RELN: variants seen among roughly 807,000 people sequenced by gnomAD.
RELN encodes reelin.
In RELN, 108 loss-of-function variants were observed where a neutral mutation model predicts 427.6. The observed-to-expected ratio is 0.25, with a 90% CI of 0.22 to 0.30. The LOEUF is 0.30. RELN is among the 10% of genes least tolerant of loss of function. The pLI is 1.00. For missense variants in RELN, 3,715 were observed against 4,302.8 expected (o/e 0.86, Z 3.82); for synonymous variants, 1,524 against 1,513.4 (o/e 1.01, Z -0.16).
rs1832283780 is a variant in RELN at position 103,624,417 on chromosome 7, CCT to C, written c.2702+5521_2702+5522del. On this transcript the variant is annotated intron_variant, in intron 20 of 64. Coordinates refer to ENST00000428762, the MANE Select transcript of RELN (RefSeq NM_005045.4). Reference sequence around the variant, plus strand: ...ATACCACTCAATGTTACCCTTTTTTCCTCATGTCCCACTCTACTTTTTTTTTA... The same window carrying C: ...ATACCACTCAATGTTACCCTTTTTTCCATGTCCCACTCTACTTTTTTTTTA... Among the ~76,000 whole-genome samples, 3 of 152,122 alleles carry C rather than the reference CCT, an allele frequency of 2.0e-5. 1 individual carries two copies. Among genetic ancestry groups the C allele is most frequent in the African/African-American group, 7.2e-5 (3 of 41,530 alleles).
At chr7:103,758,293 T>C (rs534569971) in intron 4 of RELN, among the ~76,000 whole-genome samples, 2 of 152,260 alleles carry the variant, frequency 1.3e-5, no homozygotes, top group South Asian at 4.1e-4. Flanking sequence ...TTAAAGAGTA[T>C]GCCAAATGTC....
chr7:103,891,390 A>G lies in RELN; in HGVS notation c.337+25685T>C, dbSNP rs566593719. Reference sequence around the variant, plus strand: ...TCTTATTGTGCTGGCCATGGTAATTAATGTCTCCTGTGAAGCAGGAGGCCC... The same window carrying G: ...TCTTATTGTGCTGGCCATGGTAATTGATGTCTCCTGTGAAGCAGGAGGCCC... On this transcript the variant is annotated intron_variant, in intron 2 of 64. Coordinates refer to ENST00000428762, the MANE Select transcript of RELN (RefSeq NM_005045.4). Among the ~76,000 whole-genome samples the G allele has an allele frequency of 3.5e-4, 53 of 152,280 alleles. No homozygotes were observed. In the East Asian group the frequency reaches 9.5e-3, roughly 27 times the overall value.
chr7:103,618,076 T>G (rs1462627326), intron 20 of RELN, among the ~76,000 whole-genome samples: 1 of 152,196 alleles, frequency 6.6e-6, no homozygotes, highest in Non-Finnish European at 1.5e-5. Flanking sequence ...AAACCTCTTT[T>G]CTTTACAAAT....
chr7:103,604,176 G>A (rs1247866376), intron 23 of RELN, among the ~76,000 whole-genome samples, 170 bp downstream of exon 23: 1 of 152,336 alleles, frequency 6.6e-6, no homozygotes, highest in African/African-American at 2.4e-5. Flanking sequence ...TTATTTTAAT[G>A]TAACAATAGC....
intron 2 of RELN, among the ~76,000 whole-genome samples, chr7:103,847,190 C>T (rs943593571): frequency 2.0e-5 from 3 of 152,130 alleles, no homozygotes. Context: ...CAATGATAGA[C>T]TGGATAAAGA....
chr7:103,771,325 C>T (rs1397385080), intron 4 of RELN, among the ~76,000 whole-genome samples: 1 of 152,060 alleles, frequency 6.6e-6, no homozygotes, highest in Non-Finnish European at 1.5e-5. Context: ...TTTCTTCCCT[C>T]AGCTCCCCTC....
intron 3 of RELN, among the ~76,000 whole-genome samples, chr7:103,796,885 AAAAAAAAAAG>A (rs1432481232): frequency 6.9e-6 from 1 of 143,926 alleles, no homozygotes. Flanking sequence ...CAAAAAAAAA[AAAAAAAAAAG>A]AAAGAAAGAA....
chr7:103,686,998 C>A (rs1833778167), intron 10 of RELN, among the ~76,000 whole-genome samples: 1 of 152,094 alleles, frequency 6.6e-6, no homozygotes, highest in South Asian at 2.1e-4. Context: ...ATAGATTCAA[C>A]CATGGTGAGT....
At chr7:103,630,851 G>GTTTGT (rs1562930901) in intron 19 of RELN, among the ~76,000 whole-genome samples, 2 of 20,546 alleles carry the variant, frequency 9.7e-5, no homozygotes, top group African/African-American at 4.1e-4. Context: ...TTATTTTTTT[G>GTTTGT]TTTTTTTTGT....
At chr7:103,786,003 C>T (rs981523900) in intron 3 of RELN, among the ~76,000 whole-genome samples, 5 of 151,694 alleles carry the variant, frequency 3.3e-5, no homozygotes, top group Non-Finnish European at 5.9e-5. Flanking sequence ...GATTTCTAAC[C>T]TAGTTAATTA....
At chr7:103,866,895 C>A (rs1389652492) in intron 2 of RELN, among the ~76,000 whole-genome samples, 1 of 152,056 alleles carries the variant, frequency 6.6e-6, no homozygotes, top group African/African-American at 2.4e-5. Context: ...TCTAGAGACA[C>A]AGAATTAGAC....
At chr7:103,532,295 AGT>A (rs935203408) in intron 46 of RELN, among the ~76,000 whole-genome samples, 14 of 152,126 alleles carry the variant, frequency 9.2e-5, no homozygotes, top group Non-Finnish European at 1.9e-4. Flanking sequence ...CTTGTTGGAA[AGT>A]GGGGAGTGGG....
At position 103,589,677 on chromosome 7, in the gene RELN, C is replaced by T. The variant is rs780406020; in HGVS notation, c.4064G>A (p.Ser1355Asn). 2 of 1,614,116 alleles carry T rather than the reference C, an allele frequency of 1.2e-6. No homozygotes were observed. Among genetic ancestry groups the T allele is most frequent in the Admixed American group, 1.7e-5 (1 of 60,024 alleles). The part of the protein sequence containing the change: ...KGCEGNSREL[S>N]EPTMYHTGDF... ...CCCTGTGTGATACATGGTGGGCTCA[C>T]TTAGTTCTCTGGAGTTTCCTTCGCA... Residue 1355 changes from serine (S) to asparagine (N), a missense_variant, in exon 28 of 65, where the codon AGT becomes AAT. This residue lies in a region of RELN where 2,208 missense variants were observed against 2,361.7 expected (regional missense o/e 0.93). Coordinates refer to ENST00000428762, the MANE Select transcript of RELN (RefSeq NM_005045.4).
intron 11 of RELN, among the ~76,000 whole-genome samples, chr7:103,679,601 C>T (rs1833611023): frequency 6.6e-6 from 1 of 152,148 alleles, no homozygotes; most frequent in South Asian, 2.1e-4. Flanking sequence ...GTCCAAAGAG[C>T]ACCTGAGTCA....
At chr7:103,503,589 G>C (rs1829107580) in intron 51 of RELN, among the ~76,000 whole-genome samples, 1 of 152,178 alleles carries the variant, frequency 6.6e-6, no homozygotes. Flanking sequence ...AAGAAGAATA[G>C]CTAACAGCTT....
At chr7:103,792,570 A>G (rs1584496361) in intron 3 of RELN, among the ~76,000 whole-genome samples, 1 of 83,074 alleles carries the variant, frequency 1.2e-5, no homozygotes. Flanking sequence ...GGATGGGGGG[A>G]TGGGGGGATG....
intron 16 of RELN, among the ~76,000 whole-genome samples, chr7:103,648,954 G>A (rs910844950): frequency 9.9e-5 from 15 of 152,124 alleles, no homozygotes; most frequent in African/African-American, 3.4e-4. Context: ...TGGTGAGGAC[G>A]TGGGGGAAAA....
chr7:103,486,388 G>T lies in RELN; in HGVS notation c.9792C>A (p.Asp3264Glu), dbSNP rs748267097. 6.8e-6 allele frequency: 11 copies of T among 1,614,086 alleles called. No homozygotes were observed. Among genetic ancestry groups the T allele is most frequent in the Non-Finnish European group, 4.2e-6 (5 of 1,179,982 alleles). Residue 3264 changes from aspartate to glutamate, a missense_variant, in exon 61 of 65, where the codon GAC becomes GAA. Asp to Glu is a conservative substitution (Grantham distance 45). Transcript: ENST00000428762. Reference protein sequence around the residue: ...QGDDCSVFSHDLPSYIKDNFE... With the variant: ...QGDDCSVFSHELPSYIKDNFE... The stretch of plus-strand genomic sequence containing the variant: ...AATTATCTTTAATATAACTGGGAAG[G>T]TCGTGACTGAAAACAGAGCAGTCAT...
chr7:103,743,049 C>T (rs370988247), intron 6 of RELN, among the ~76,000 whole-genome samples: 4 of 149,642 alleles, frequency 2.7e-5, no homozygotes, highest in African/African-American at 5.1e-5. Context: ...GCCCATCAGA[C>T]TAACAGCTGA....
Sources: gnomAD v4.1 joint callset for allele counts (sites outside exome capture counted in the v4.1 genomes callset) on GRCh38, gnomAD v4.1.1 for gene constraint, gnomAD v4.1.1 regional missense constraint, MANE v1.5 for transcripts, NCBI Gene and HGNC (gene_info 2026-07-23, HGNC 2026-07-21) for gene names.